The following TPMT variants were observed in gnomAD, a reference collection of about 807,000 sequenced individuals.
The protein encoded by TPMT is thiopurine S-methyltransferase.
TPMT carries 18 observed loss-of-function variants against 34.2 expected under a neutral mutation model. That is an observed-to-expected ratio of 0.53 (90% CI 0.36 to 0.78). TPMT has a LOEUF of 0.78. Among genes scored for constraint, TPMT ranks in the 30% least tolerant of loss-of-function variants. The pLI, the probability that TPMT is intolerant of heterozygous loss-of-function variation, is 0.00. For missense variants in TPMT, 265 were observed against 288.1 expected (o/e 0.92, Z 0.58); for synonymous variants, 69 against 92.4 (o/e 0.75, Z 1.45).
chr6:18,152,550 TCAA>T (rs1784371567), intron 1 of TPMT, among the ~76,000 whole-genome samples: 1 of 151,782 alleles, frequency 6.6e-6, no homozygotes. Flanking sequence ...TCAAAGCCTC[TCAA>T]CTGACTGAAG....
chr6:18,142,196 CTCTT>C (rs1784155680), intron 4 of TPMT, among the ~76,000 whole-genome samples: 1 of 151,978 alleles, frequency 6.6e-6, no homozygotes, highest in Admixed American at 6.6e-5. Flanking sequence ...GTTTTATTTT[CTCTT>C]TCTCTTTTTT....
rs148532923 is a variant in TPMT, at chr6:18,147,134, T to C, written c.233+689A>G. Among the ~76,000 whole-genome samples, 1,329 of 152,174 alleles carry C rather than the reference T, an allele frequency of 8.7e-3. 25 individuals are homozygous for C. The highest frequency in any genetic ancestry group is 0.03 in the African/African-American group (1,235 of 41,486). Reference sequence around the variant, plus strand: ...ACATTCTTTTTTCTTTCCTGCTCAGTGGTCAAAGTTCTCAACATTCAAGCT... The same window carrying C: ...ACATTCTTTTTTCTTTCCTGCTCAGCGGTCAAAGTTCTCAACATTCAAGCT... On this transcript the variant is annotated intron_variant, in intron 3 of 8. Coordinates refer to ENST00000309983, the MANE Select transcript of TPMT (RefSeq NM_000367.5).
In TPMT at chr6:18,155,039, TA is replaced by T. The variant is rs2150726582; in HGVS notation, c.-52del. The T allele has an allele frequency of 6.5e-6, 1 of 152,708 alleles. No individual in the cohort carries two copies. Among genetic ancestry groups the T allele is most frequent in the Non-Finnish European group, 1.5e-5 (1 of 68,176 alleles). 9.5% of individuals were successfully genotyped at this position (152,708 alleles called of 1,614,324 possible). On this transcript the variant is annotated 5_prime_UTR_variant, in exon 1 of 9. The change abolishes the stop of an existing upstream ORF in the 5' untranslated region. Coordinates refer to ENST00000309983, the MANE Select transcript of TPMT (RefSeq NM_000367.5). This position sits in a 1 kb window ranked among gnomAD's most constrained non-coding sequence, Gnocchi z 6.2. ...CGCGCCCGAGTGAGCCTACCTCGCT[TA>T]CAGCTGGTTGCCGGCCATTGCCTCC...
rs1396616670 is a variant in TPMT at position 18,129,555 on chromosome 6, G to A, written c.*1113C>T. ...TTGTTGGGTAGTACAGAGTTATAGA[G>A]GACTGTCTGATATAACAAAATGTGG... On this transcript the variant is annotated 3_prime_UTR_variant, in exon 9 of 9. Coordinates refer to ENST00000309983, the MANE Select transcript of TPMT (RefSeq NM_000367.5). The A allele has an allele frequency of 1.3e-5, 2 of 152,138 alleles. No individual in the cohort carries two copies. The highest frequency in any genetic ancestry group is 4.8e-5 in the African/African-American group (2 of 41,416). 9.4% of individuals were successfully genotyped at this position (152,138 alleles called of 1,614,324 possible). A position where few individuals can be genotyped will look rare whatever the true frequency, so the allele number is the denominator to read the frequency against.
rs1784250794 is a variant in TPMT at position 18,146,553 on chromosome 6, T to C, written c.233+1270A>G. On this transcript the variant is annotated intron_variant, in intron 3 of 8. Transcript: ENST00000309983. This position sits in a 1 kb window ranked among gnomAD's most constrained non-coding sequence, Gnocchi z 6.2. ...CCAAATATTCAACAATCACATTTAA[T>C]TGGCTATTTCATACCATTTTCCTAA... 6.6e-6 allele frequency among the ~76,000 whole-genome samples: 1 copy of C among 152,198 alleles called. No homozygotes were observed. Among genetic ancestry groups the C allele is most frequent in the Non-Finnish European group, 1.5e-5 (1 of 68,044 alleles).
intron 6 of TPMT, among the ~76,000 whole-genome samples, chr6:18,134,341 G>A (rs1784003882): frequency 6.6e-6 from 1 of 152,226 alleles, no homozygotes; most frequent in East Asian, 1.9e-4. Context: ...TTGCCATGGG[G>A]CCTGGGATGC....
At position 18,153,888 on chromosome 6, in the gene TPMT, C is replaced by T. The variant is rs1433717146; in HGVS notation, c.-45+1145G>A. On this transcript the variant is annotated intron_variant, in intron 1 of 8. Transcript: ENST00000309983. The surrounding 1 kb of genome is among the most constrained non-coding windows in gnomAD (Gnocchi z 4.2). Reference sequence around the variant, plus strand: ...TCTATTCCTTTCACACAAACTTGAACTGTCTAACAAAATCATGCACATAAC... The same window carrying T: ...TCTATTCCTTTCACACAAACTTGAATTGTCTAACAAAATCATGCACATAAC... 6.6e-6 allele frequency among the ~76,000 whole-genome samples: 1 copy of T among 152,226 alleles called. No individual in the cohort carries two copies. The highest frequency in any genetic ancestry group is 6.5e-5 in the Admixed American group (1 of 15,268).
chr6:18,140,501 G>A lies in TPMT; in HGVS notation c.367-784C>T, dbSNP rs2842937. On this transcript the variant is annotated intron_variant, in intron 4 of 8. Coordinates refer to ENST00000309983, the MANE Select transcript of TPMT (RefSeq NM_000367.5). This position sits in a 1 kb window ranked among gnomAD's most constrained non-coding sequence, Gnocchi z 4.7. ...GCCCAGGAGTATGAGACCAGCCTGGGCAACATGGCAAAACTCCAACTCTAC... is the reference window on the plus strand; with the variant it reads ...GCCCAGGAGTATGAGACCAGCCTGGACAACATGGCAAAACTCCAACTCTAC... Among the ~76,000 whole-genome samples the A allele has an allele frequency of 0.56, 84,720 of 151,802 alleles. 25,848 individuals are homozygous for A. The highest frequency in any genetic ancestry group is 0.79 in the East Asian group (4,047 of 5,114).
chr6:18,139,182 T>C lies in TPMT; in HGVS notation c.420-145A>G. The C allele has an allele frequency of 2.6e-6, 2 of 775,852 alleles. No individual in the cohort carries two copies. Among genetic ancestry groups the C allele is most frequent in the Non-Finnish European group, 4.5e-6 (2 of 447,112 alleles). 48.1% of individuals were successfully genotyped at this position (775,852 alleles called of 1,614,324 possible). ...CTGCGTTTCCTCCTAGAGGAATGTG[T>C]GGACCTGGGTGTGGAGAGCTGTCCA... On this transcript the variant is annotated intron_variant, in intron 5 of 8. Coordinates refer to ENST00000309983, the MANE Select transcript of TPMT (RefSeq NM_000367.5). This position sits in a 1 kb window ranked among gnomAD's most constrained non-coding sequence, Gnocchi z 4.2.
rs1784335862 is a variant in TPMT at position 18,150,697 on chromosome 6, A to G, written c.-44-1526T>C. Among the ~76,000 whole-genome samples the G allele has an allele frequency of 6.6e-6, 1 of 152,212 alleles. No individual in the cohort carries two copies. The highest frequency in any genetic ancestry group is 2.4e-5 in the African/African-American group (1 of 41,454). ...GAAAAAGAATGTTTTTCCATTTTGC[A>G]TGTATAAAACACGGTTAGACTATTC... is the stretch of plus-strand genomic sequence containing the variant. On this transcript the variant is annotated intron_variant, in intron 1 of 8. Transcript: ENST00000309983. The surrounding 1 kb of genome is among the most constrained non-coding windows in gnomAD (Gnocchi z 5.3).
chr6:18,134,841 C>G (rs555383380), intron 6 of TPMT, among the ~76,000 whole-genome samples: 2 of 152,126 alleles, frequency 1.3e-5, no homozygotes, highest in Non-Finnish European at 2.9e-5. Context: ...GGACAGGAGA[C>G]GCATGCAGGG....
rs1783959629 is a variant in TPMT at position 18,132,238 on chromosome 6, C to T, written c.581-61G>A. On this transcript the variant is annotated intron_variant, in intron 7 of 8. Coordinates refer to ENST00000309983, the MANE Select transcript of TPMT (RefSeq NM_000367.5). This position sits in a 1 kb window ranked among gnomAD's most constrained non-coding sequence, Gnocchi z 4.8. ...CAATGACGTAGGTGTACTTGTTCTA[C>T]ATACAACTTCATTATCCAAATAGGT... The T allele has an allele frequency of 1.4e-6, 2 of 1,475,138 alleles. No homozygotes were observed. Among genetic ancestry groups the T allele is most frequent in the Admixed American group, 1.7e-5 (1 of 58,498 alleles). 91.4% of individuals were successfully genotyped at this position (1,475,138 alleles called of 1,614,324 possible). A position where few individuals can be genotyped will look rare whatever the true frequency, so the allele number is the denominator to read the frequency against.
chr6:18,138,789 G>A lies in TPMT; in HGVS notation c.494+174C>T, dbSNP rs1251056971. ...ATAGCCTTACACCCAGGTCTCTGTA[G>A]TCAAATCCTATACTTTTTAGACAAA... On this transcript the variant is annotated intron_variant, in intron 6 of 8. Transcript: ENST00000309983. The surrounding 1 kb of genome is among the most constrained non-coding windows in gnomAD (Gnocchi z 4.1). Among the ~76,000 whole-genome samples, 1 of 152,164 alleles carries A rather than the reference G, an allele frequency of 6.6e-6. No homozygotes were observed. The highest frequency in any genetic ancestry group is 1.5e-5 in the Non-Finnish European group (1 of 68,038).
intron 7 of TPMT, among the ~76,000 whole-genome samples, chr6:18,133,023 G>A (rs1280296612): frequency 6.6e-6 from 1 of 152,136 alleles, no homozygotes; most frequent in Admixed American, 6.6e-5. Flanking sequence ...AACCCGGAAG[G>A]CGGACGTTGC....
chr6:18,150,970 T>G lies in TPMT; in HGVS notation c.-44-1799A>C, dbSNP rs916892030. On this transcript the variant is annotated intron_variant, in intron 1 of 8. Coordinates refer to ENST00000309983, the MANE Select transcript of TPMT (RefSeq NM_000367.5). This position sits in a 1 kb window ranked among gnomAD's most constrained non-coding sequence, Gnocchi z 5.3. The stretch of plus-strand genomic sequence containing the variant: ...CTCATGTGATTCACCAGCCTCGGCT[T>G]CCCAAAGTGCTGGGATTCCAGGCGT... 6.6e-6 allele frequency among the ~76,000 whole-genome samples: 1 copy of G among 152,188 alleles called. No individual in the cohort carries two copies. The highest frequency in any genetic ancestry group is 1.5e-5 in the Non-Finnish European group (1 of 68,024).
chr6:18,133,287 C>A (rs1030510591), intron 7 of TPMT, among the ~76,000 whole-genome samples: 1 of 152,096 alleles, frequency 6.6e-6, no homozygotes. Context: ...AAACATACCC[C>A]CAACAGATTC....
At chr6:18,147,220 G>A (rs1402103300) in intron 3 of TPMT, among the ~76,000 whole-genome samples, 1 of 152,220 alleles carries the variant, frequency 6.6e-6, no homozygotes, top group Non-Finnish European at 1.5e-5. Flanking sequence ...TTACAAGAGA[G>A]TTCAGTATAG....
At chr6:18,133,133 G>A (rs1783978026) in intron 7 of TPMT, among the ~76,000 whole-genome samples, 2 of 151,974 alleles carry the variant, frequency 1.3e-5, no homozygotes, top group African/African-American at 2.4e-5. Flanking sequence ...ACTAACATAT[G>A]TAAATATTTA....
chr6:18,148,672 A>T lies in TPMT; in HGVS notation c.140+316T>A, dbSNP rs1369578677. Among the ~76,000 whole-genome samples, 2 of 152,244 alleles carry T rather than the reference A, an allele frequency of 1.3e-5. No individual in the cohort carries two copies. Among genetic ancestry groups the T allele is most frequent in the African/African-American group, 4.8e-5 (2 of 41,472 alleles). ...AGTATGAAGAATTGTAAGCATAAAC[A>T]TTGCTTGAGCACCTGTTGTAGGTAT... On this transcript the variant is annotated intron_variant, in intron 2 of 8. Transcript: ENST00000309983. The surrounding 1 kb of genome is among the most constrained non-coding windows in gnomAD (Gnocchi z 4.1).
Sources: allele counts gnomAD v4.1 joint callset (sites outside exome capture counted in the v4.1 genomes callset), GRCh38; gene constraint gnomAD v4.1.1; non-coding constraint Gnocchi (gnomAD v3.1); transcripts MANE v1.5; gene names NCBI Gene and HGNC (gene_info 2026-07-23, HGNC 2026-07-21).